Variants in DPEP1 observed in about 807,000 individuals in gnomAD.
DPEP1 encodes the protein dipeptidase 1.
In DPEP1, 50 loss-of-function variants were observed where a neutral mutation model predicts 42.3. The observed-to-expected ratio is 1.18, with a 90% CI of 0.94 to 1.50. The LOEUF (loss-of-function observed/expected upper bound fraction) is 1.50. DPEP1 is among the 40% of genes most tolerant of loss of function. DPEP1 has a pLI of 0.00. For synonymous variants in DPEP1, 297 were observed against 234.0 expected, an observed-to-expected ratio of 1.27 and a Z score of -2.46; for missense variants, 663 against 553.0, an observed-to-expected ratio of 1.20 and a Z score of -1.99.
downstream of DPEP1, among the ~76,000 whole-genome samples, chr16:89,639,085 T>C (rs1158806251): frequency 2.1e-4 from 3 of 14,182 alleles, no homozygotes; most frequent in African/African-American, 3.3e-4. Context: ...CACACCCCAT[T>C]CCTGCACACA....
chr16:89,614,390 C>A, intron 1 of DPEP1, among the ~76,000 whole-genome samples: 1 of 152,232 alleles, frequency 6.6e-6, no homozygotes, highest in East Asian at 1.9e-4. Context: ...CGGACTTACT[C>A]TCTGTTCTGG....
chr16:89,629,289 C>T (rs1420090618), intron 1 of DPEP1, among the ~76,000 whole-genome samples: 1 of 152,120 alleles, frequency 6.6e-6, no homozygotes, highest in Non-Finnish European at 1.5e-5. Flanking sequence ...TTGCTTGAGG[C>T]CAGGAGTTCG....
At chr16:89,629,023 CA>C (rs1440450969) in intron 1 of DPEP1, among the ~76,000 whole-genome samples, 3 of 152,094 alleles carry the variant, frequency 2.0e-5, no homozygotes, top group African/African-American at 7.2e-5. Context: ...GAGAGGGTTT[CA>C]CCATATTGGC....
At chr16:89,624,406 A>G (rs2059481409) in intron 1 of DPEP1, among the ~76,000 whole-genome samples, 1 of 152,170 alleles carries the variant, frequency 6.6e-6, no homozygotes, top group Non-Finnish European at 1.5e-5. Flanking sequence ...GCGTTTGAAC[A>G]AAGAAGTGGA....
Position 89,637,313 on chromosome 16 carries a change from G to A in DPEP1, c.701G>A (p.Ser234Asn), listed in dbSNP as rs752539306. 1.1e-5 allele frequency: 17 copies of A among 1,612,504 alleles called. No homozygotes were observed. In the South Asian group the frequency reaches 1.8e-4, roughly 17 times the overall value. ...CTGTCCAGAGCCCCGGTCATCTTCA[G>A]CCACTCCTCGGCCTACAGCGTGTGC... Reference protein sequence around the residue: ...LQLSRAPVIFSHSSAYSVCAS... With the variant: ...LQLSRAPVIFNHSSAYSVCAS... Residue 234 changes from serine (S) to asparagine (N), a missense_variant, in exon 7 of 11, where the codon AGC (serine) becomes AAC (asparagine). Transcript: ENST00000690203.
chr16:89,616,814 G>T, intron 1 of DPEP1: 1 of 261,906 alleles, frequency 3.8e-6, no homozygotes, highest in South Asian at 3.0e-5. Context: ...GGCAGAAAGC[G>T]GCCAGGAAGT....
chr16:89,629,977 G>T (rs945026353), intron 1 of DPEP1, among the ~76,000 whole-genome samples: 2 of 152,204 alleles, frequency 1.3e-5, no homozygotes, highest in Non-Finnish European at 2.9e-5. Flanking sequence ...CTTGCTTGCA[G>T]ATCTAGGCCC....
At position 89,629,293 on chromosome 16, in the gene DPEP1, G is replaced by T. The variant is rs186246941; in HGVS notation, c.-106-1012G>T. Among the ~76,000 whole-genome samples, 432 of 152,230 alleles carry T rather than the reference G, an allele frequency of 2.8e-3. 1 individual carries two copies. The highest frequency in any genetic ancestry group is 9.9e-3 in the African/African-American group (410 of 41,530). ...AGCAGGCAGGTTTGCTTGAGGCCAG[G>T]AGTTCGAGACCAGCCTGGGAAACAT... On this transcript the variant is annotated intron_variant, in intron 1 of 10. Transcript: ENST00000690203.
At position 89,638,242 on chromosome 16, in the gene DPEP1, C is replaced by A; in HGVS notation, c.*20C>A. On this transcript the variant is annotated 3_prime_UTR_variant, in exon 11 of 11. Transcript: ENST00000690203. ...CTGTGAAACCTGGGAGACCAGAGTCCCCTTTAGGGTTCCCGGAGCTCCGGG... is the reference window on the plus strand; with the variant it reads ...CTGTGAAACCTGGGAGACCAGAGTCACCTTTAGGGTTCCCGGAGCTCCGGG... The A allele has an allele frequency of 6.6e-7, 1 of 1,511,804 alleles. No individual in the cohort carries two copies. The highest frequency in any genetic ancestry group is 8.9e-7 in the Non-Finnish European group (1 of 1,126,486). 93.6% of individuals were successfully genotyped at this position (1,511,804 alleles called of 1,614,324 possible).
chr16:89,614,878 T>C (rs551108171), intron 1 of DPEP1, among the ~76,000 whole-genome samples: 2 of 152,272 alleles, frequency 1.3e-5, no homozygotes, highest in African/African-American at 2.4e-5. Context: ...AGAGAAAGCC[T>C]TGGGCACAGG....
intron 1 of DPEP1, among the ~76,000 whole-genome samples, chr16:89,626,691 C>A (rs4248913): frequency 0.12 from 17,981 of 151,852 alleles, 1,634 homozygotes; most frequent in East Asian, 0.54. Context: ...CAGTCCCCCC[C>A]TCAAACTCTC....
chr16:89,636,437 C>A (rs1165386068), intron 4 of DPEP1, 41 bp downstream of exon 4: 2 of 1,599,412 alleles, frequency 1.3e-6, no homozygotes, highest in Admixed American at 3.4e-5. Context: ...TGCGTCTTCT[C>A]ACCCAGCCCT....
intron 1 of DPEP1, among the ~76,000 whole-genome samples, chr16:89,620,057 C>G (rs2059429735): frequency 6.6e-6 from 1 of 150,458 alleles, no homozygotes; most frequent in African/African-American, 2.4e-5. Context: ...ATTCCAAAGC[C>G]AGCCTGGTCT....
chr16:89,616,110 T>C (rs2059377289), intron 1 of DPEP1, among the ~76,000 whole-genome samples: 2 of 146,178 alleles, frequency 1.4e-5, no homozygotes, highest in South Asian at 4.3e-4. Context: ...AAATGCTCCC[T>C]GAACTCCAGC....
At chr16:89,616,813 CGGCCAGGAAGT>C (rs1052158488) in intron 1 of DPEP1, 21 of 259,336 alleles carry the variant, frequency 8.1e-5, no homozygotes, top group East Asian at 3.1e-4. Flanking sequence ...AGGCAGAAAG[CGGCCAGGAAGT>C]GGCCAGGAAG....
chr16:89,636,753 C>G, intron 5 of DPEP1, 70 bp downstream of exon 5: 1 of 1,602,522 alleles, frequency 6.2e-7, no homozygotes. Flanking sequence ...CCCTGCCACC[C>G]TCCAGAGCCC....
At position 89,617,649 on chromosome 16, in the gene DPEP1, T is replaced by C. The variant is rs1194159435; in HGVS notation, c.-107+3930T>C. Among the ~76,000 whole-genome samples the C allele has an allele frequency of 9.6e-4, 146 of 151,720 alleles. 2 individuals are homozygous for C. Among genetic ancestry groups the C allele is most frequent in the South Asian group, 1.2e-3 (6 of 4,802 alleles). On this transcript the variant is annotated intron_variant, in intron 1 of 10. Transcript: ENST00000690203. ...GCTCACACCTGTAATCCCAGCACTT[T>C]GGGAGGCCGGGCGCGGCGGCTCACA...
In DPEP1 at chr16:89,623,603, C is replaced by T. The variant is rs8044610; in HGVS notation, c.-106-6702C>T. Among the ~76,000 whole-genome samples, 788 of 152,028 alleles carry T rather than the reference C, an allele frequency of 5.2e-3. 5 individuals carry two copies. Among genetic ancestry groups the T allele is most frequent in the African/African-American group, 0.018 (744 of 41,456 alleles). ...ATCTGCTTCCCTGACGGGAGCGGGG[C>T]GGAAAAGAACACAGCAAACCTTGGA... On this transcript the variant is annotated intron_variant, in intron 1 of 10. Transcript: ENST00000690203.
chr16:89,636,090 C>T (rs766205290), intron 3 of DPEP1, 50 bp downstream of exon 3: 38 of 1,571,830 alleles, frequency 2.4e-5, no homozygotes, highest in Non-Finnish European at 3.2e-5. Context: ...CATCCCGTCT[C>T]CTACCTCAGG....
Sources: allele counts gnomAD v4.1 joint callset (sites outside exome capture counted in the v4.1 genomes callset), GRCh38; gene constraint gnomAD v4.1.1; transcripts MANE v1.5; gene names NCBI Gene and HGNC (gene_info 2026-07-23, HGNC 2026-07-21).